The following UNC13C variants were observed in gnomAD, a reference collection of about 807,000 sequenced individuals.
UNC13C encodes the protein unc-13 homolog C.
A neutral mutation model predicts 245.4 loss-of-function variants in UNC13C; 174 were observed. The ratio of observed to expected loss-of-function variants is 0.71; its 90% CI spans 0.63 to 0.80. UNC13C has a LOEUF of 0.80. Among genes scored for constraint, UNC13C ranks in the 30% least tolerant of loss-of-function variants. UNC13C has a pLI of 0.00. For missense variants in UNC13C, 2,829 were observed against 2,602.9 expected (o/e 1.09, Z -1.89); for synonymous variants, 992 against 895.1 (o/e 1.11, Z -1.93).
In UNC13C at chr15:54,605,996, C is replaced by T. The variant is rs182963246; in HGVS notation, c.6107-16331C>T. On this transcript the variant is annotated intron_variant, in intron 30 of 32. Coordinates refer to ENST00000260323, the MANE Select transcript of UNC13C (RefSeq NM_001080534.3). ...CCTTCTTTAAGAAGCCAAAGGCATC[C>T]GTGTGTAAAACCATTATATGACATT... Among the ~76,000 whole-genome samples the T allele has an allele frequency of 2.6e-3, 399 of 152,254 alleles. 5 individuals carry two copies. The Middle Eastern group carries it at 0.034, about 13-fold the overall frequency.
At chr15:54,104,742 C>T (rs995600320) in intron 2 of UNC13C, among the ~76,000 whole-genome samples, 1 of 151,312 alleles carries the variant, frequency 6.6e-6, no homozygotes, top group Non-Finnish European at 1.5e-5. Context: ...TGTGGTTCAT[C>T]TGGGTTTTGA....
At position 54,070,737 on chromosome 15, in the gene UNC13C, G is replaced by A. The variant is rs113209004; in HGVS notation, c.2983+54851G>A. On this transcript the variant is annotated intron_variant, in intron 2 of 32. Transcript: ENST00000260323. Reference sequence around the variant, plus strand: ...CTGTCCCGGAAGCTACAGTTTCTCGGCTTCCTTCATCTACATTTCTCATGT... The same window carrying A: ...CTGTCCCGGAAGCTACAGTTTCTCGACTTCCTTCATCTACATTTCTCATGT... Among the ~76,000 whole-genome samples the A allele has an allele frequency of 8.0e-3, 1,225 of 152,236 alleles. 27 individuals are homozygous for A. Among genetic ancestry groups the A allele is most frequent in the African/African-American group, 0.028 (1,159 of 41,550 alleles).
In UNC13C at chr15:54,375,596, T is replaced by C. The variant is rs373605824; in HGVS notation, c.4714-17452T>C. 6.2e-4 allele frequency among the ~76,000 whole-genome samples: 95 copies of C among 152,352 alleles called. 2 individuals carry two copies. The South Asian group carries it at 0.011, about 18-fold the overall frequency. ...TGAATCAATGAAAAGAAGGACTACA[T>C]TGTGTGAGTCTGATTTAATCAGGTG... On this transcript the variant is annotated intron_variant, in intron 17 of 32. Coordinates refer to ENST00000260323, the MANE Select transcript of UNC13C (RefSeq NM_001080534.3).
intron 4 of UNC13C, among the ~76,000 whole-genome samples, chr15:54,225,134 G>T (rs564829189): frequency 1.0e-4 from 15 of 149,386 alleles, no homozygotes; most frequent in Admixed American, 2.7e-4. Context: ...AGATTAGATG[G>T]TTGTAGATGT....
chr15:54,342,694 T>A (rs902672932), intron 17 of UNC13C, among the ~76,000 whole-genome samples: 1 of 152,198 alleles, frequency 6.6e-6, no homozygotes, highest in Non-Finnish European at 1.5e-5. Context: ...TAGAAAGCAA[T>A]GTTAGATGAA....
intron 18 of UNC13C, among the ~76,000 whole-genome samples, chr15:54,397,630 G>A (rs1228309596): frequency 6.6e-6 from 1 of 151,312 alleles, no homozygotes. Flanking sequence ...AAAGAAAACA[G>A]CAATATTGAA....
chr15:53,843,866 G>A, the UNC13C span, among the ~76,000 whole-genome samples: 15 of 152,282 alleles, frequency 9.9e-5, no homozygotes, highest in South Asian at 2.9e-3. Flanking sequence ...TATTTCAGTG[G>A]AGTGAGAATT....
intron 32 of UNC13C, among the ~76,000 whole-genome samples, chr15:54,626,454 G>A (rs1285584216): frequency 2.0e-5 from 3 of 148,162 alleles, no homozygotes; most frequent in Non-Finnish European, 4.6e-5. Context: ...TTGAAATGGG[G>A]AGGTAAAGTG....
At chr15:54,148,008 CCT>C (rs1193896783) in intron 4 of UNC13C, among the ~76,000 whole-genome samples, 6 of 152,134 alleles carry the variant, frequency 3.9e-5, no homozygotes, top group Non-Finnish European at 8.8e-5. Context: ...ATGTGAAATT[CCT>C]CTGTCCATGA....
At chr15:54,367,009 G>A (rs988283127) in intron 17 of UNC13C, among the ~76,000 whole-genome samples, 1 of 151,966 alleles carries the variant, frequency 6.6e-6, no homozygotes, top group East Asian at 1.9e-4. Context: ...GAACCTCAGG[G>A]GATACAGTGA....
chr15:54,117,216 TC>T (rs2141186463), intron 2 of UNC13C, among the ~76,000 whole-genome samples: 1 of 152,278 alleles, frequency 6.6e-6, no homozygotes, highest in South Asian at 2.1e-4. Context: ...TTTCTTCCAT[TC>T]CGTGGGATAT....
At chr15:54,430,161 A>G (rs1340711118) in intron 19 of UNC13C, among the ~76,000 whole-genome samples, 1 of 151,714 alleles carries the variant, frequency 6.6e-6, no homozygotes, top group Non-Finnish European at 1.5e-5. Flanking sequence ...CAGATTCTAT[A>G]TTCAGATTTT....
chr15:54,301,293 T>G (rs1485365535), intron 13 of UNC13C, among the ~76,000 whole-genome samples: 43 of 107,650 alleles, frequency 4.0e-4, no homozygotes, highest in East Asian at 1.5e-3. Context: ...TCTTTTGTTT[T>G]TTTTTTTTTT....
chr15:54,504,820 A>G (rs1433751925), intron 22 of UNC13C, among the ~76,000 whole-genome samples: 7 of 152,194 alleles, frequency 4.6e-5, no homozygotes, highest in Non-Finnish European at 8.8e-5. Flanking sequence ...TAGATGGAAT[A>G]ACTGGAAGTG....
intron 30 of UNC13C, among the ~76,000 whole-genome samples, chr15:54,603,111 C>T (rs562586259): frequency 6.6e-6 from 1 of 152,164 alleles, no homozygotes; most frequent in East Asian, 1.9e-4. Context: ...CTGGCATAAT[C>T]CTGTTTTGGG....
chr15:54,447,661 C>A (rs1334273344), intron 19 of UNC13C, among the ~76,000 whole-genome samples: 2 of 152,088 alleles, frequency 1.3e-5, no homozygotes, highest in African/African-American at 4.8e-5. Context: ...ATTCTTCTCT[C>A]TTTTCTTCTT....
intron 4 of UNC13C, among the ~76,000 whole-genome samples, chr15:54,217,108 C>G (rs544460272): frequency 6.6e-6 from 1 of 152,016 alleles, no homozygotes; most frequent in East Asian, 1.9e-4. Flanking sequence ...TGAGGAGGAG[C>G]TTTATTCTTT....
intron 30 of UNC13C, among the ~76,000 whole-genome samples, chr15:54,574,289 T>C (rs1897870824): frequency 6.6e-6 from 1 of 151,962 alleles, no homozygotes; most frequent in South Asian, 2.1e-4. Context: ...TTAAAATTGA[T>C]AGTTAGCTTG....
At chr15:53,880,482 T>A in the UNC13C span, among the ~76,000 whole-genome samples, 1 of 152,184 alleles carries the variant, frequency 6.6e-6, no homozygotes, top group Non-Finnish European at 1.5e-5. Context: ...CTGTGTGCAG[T>A]GATTTAGAAT....
Sources: gnomAD v4.1 joint callset for allele counts (sites outside exome capture counted in the v4.1 genomes callset) on GRCh38, gnomAD v4.1.1 for gene constraint, MANE v1.5 for transcripts, NCBI Gene and HGNC (gene_info 2026-07-23, HGNC 2026-07-21) for gene names.